Variants in GRM8 observed in about 807,000 individuals in gnomAD.
The protein encoded by GRM8 is glutamate metabotropic receptor 8, also known as metabotropic glutamate receptor 8.
GRM8 carries 47 observed loss-of-function variants against 87.2 expected under a neutral mutation model. That is an observed-to-expected ratio of 0.54 (90% confidence interval 0.43 to 0.69). The LOEUF is 0.69. GRM8 is among the 30% of genes least tolerant of loss of function. The probability of loss-of-function intolerance (pLI) is 0.00; values close to 1 mark genes in which losing one functional copy is unlikely to be tolerated. For synonymous variants in GRM8, 396 were observed against 404.5 expected (o/e 0.98, Z 0.25); for missense variants, 1,019 against 1,139.2 (o/e 0.89, Z 1.52).
intron 6 of GRM8, among the ~76,000 whole-genome samples, chr7:126,888,710 T>G (rs1800721781): frequency 6.6e-6 from 1 of 152,124 alleles, no homozygotes; most frequent in Non-Finnish European, 1.5e-5. Context: ...ACTGTCTATT[T>G]TCTTTCTGAA....
chr7:126,759,819 T>C (rs1817407289), intron 7 of GRM8, among the ~76,000 whole-genome samples: 1 of 152,218 alleles, frequency 6.6e-6, no homozygotes, highest in Non-Finnish European at 1.5e-5. Context: ...ATCATCACCT[T>C]ACATTTAAAC....
intron 2 of GRM8, among the ~76,000 whole-genome samples, chr7:127,107,940 A>G (rs1825971381): frequency 6.6e-6 from 1 of 152,302 alleles, no homozygotes; most frequent in Admixed American, 6.5e-5. Context: ...GGTGCTGACT[A>G]TTCATTCAGC....
intron 3 of GRM8, among the ~76,000 whole-genome samples, chr7:126,971,222 T>C (rs1810396233): frequency 6.8e-6 from 1 of 146,456 alleles, no homozygotes; most frequent in Non-Finnish European, 1.5e-5. Flanking sequence ...GGTGAGCCTG[T>C]ACATATAAAC....
At chr7:126,872,089 C>T (rs1158748775) in intron 6 of GRM8, among the ~76,000 whole-genome samples, 1 of 152,100 alleles carries the variant, frequency 6.6e-6, no homozygotes, top group Non-Finnish European at 1.5e-5. Context: ...GGGTGTTTGG[C>T]TTGTGTCTTG....
chr7:126,827,065 A>G (rs1007706565), intron 6 of GRM8, among the ~76,000 whole-genome samples: 1 of 152,088 alleles, frequency 6.6e-6, no homozygotes, highest in African/African-American at 2.4e-5. Context: ...GTTCTGTTCC[A>G]TTGATCTATA....
chr7:126,865,848 G>T (rs2130855100), intron 6 of GRM8, among the ~76,000 whole-genome samples: 1 of 152,174 alleles, frequency 6.6e-6, no homozygotes. Flanking sequence ...TATTCGACTT[G>T]TTTCCACTTT....
At chr7:126,929,965 A>G (rs1284436520) in intron 3 of GRM8, among the ~76,000 whole-genome samples, 1 of 152,192 alleles carries the variant, frequency 6.6e-6, no homozygotes, top group Non-Finnish European at 1.5e-5. Flanking sequence ...TGGTCTTTGC[A>G]ATTTATACTA....
At chr7:126,870,936 A>G (rs1799041758) in intron 6 of GRM8, among the ~76,000 whole-genome samples, 1 of 152,218 alleles carries the variant, frequency 6.6e-6, no homozygotes, top group Admixed American at 6.5e-5. Context: ...CATATGAAAG[A>G]GCTGCACTCA....
intron 8 of GRM8, among the ~76,000 whole-genome samples, chr7:126,602,237 A>C (rs1483316971): frequency 6.9e-6 from 1 of 144,512 alleles, no homozygotes; most frequent in African/African-American, 2.5e-5. Flanking sequence ...AAGATCAGAT[A>C]GTTGTAGGTA....
chr7:126,446,371 ATCTGAGGG>A lies in GRM8; in HGVS notation c.2431-7_2431del. The A allele has an allele frequency of 6.3e-7, 1 of 1,582,772 alleles. No homozygotes were observed. Among genetic ancestry groups the A allele is most frequent in the Admixed American group, 1.8e-5 (1 of 56,496 alleles). ...AGTAAGTGTTGTTGTCTGGATGTAC[ATCTGAGGG>A]AAGAAAAAAAAAAGAATCACTGTTG... On this transcript the variant is annotated splice_acceptor_variant and splice_polypyrimidine_tract_variant and coding_sequence_variant and intron_variant, in exon 10 of 11. Coordinates refer to ENST00000339582, the MANE Select transcript of GRM8 (RefSeq NM_000845.3). LOFTEE classifies it high-confidence loss of function.
At chr7:127,041,011 T>C (rs931046474) in intron 3 of GRM8, among the ~76,000 whole-genome samples, 2 of 152,230 alleles carry the variant, frequency 1.3e-5, no homozygotes, top group Admixed American at 1.3e-4. Flanking sequence ...CAATTCATGT[T>C]TGAGAAATAA....
intron 9 of GRM8, among the ~76,000 whole-genome samples, chr7:126,503,627 A>G (rs1809969908): frequency 6.6e-6 from 1 of 152,106 alleles, no homozygotes; most frequent in Non-Finnish European, 1.5e-5. Context: ...TGTGTACTTC[A>G]GAAATATGCA....
At chr7:126,869,919 T>G (rs1026795037) in intron 6 of GRM8, 2 of 140,492 alleles carry the variant, frequency 1.4e-5, no homozygotes, top group African/African-American at 5.6e-5. Flanking sequence ...AGGTATTGAC[T>G]TTTCCTCATA....
At chr7:126,975,035 G>A (rs144491907) in intron 3 of GRM8, among the ~76,000 whole-genome samples, 1 of 151,074 alleles carries the variant, frequency 6.6e-6, no homozygotes, top group Non-Finnish European at 1.5e-5. Flanking sequence ...AAGCTGAGAG[G>A]GCTCATAGGT....
chr7:126,849,182 A>G (rs1482014585), intron 6 of GRM8, among the ~76,000 whole-genome samples: 3 of 152,174 alleles, frequency 2.0e-5, no homozygotes, highest in Admixed American at 2.0e-4. Context: ...ACCCTGTCTC[A>G]AAAGAAAAAA....
chr7:126,691,200 C>T (rs1463520674), intron 7 of GRM8, among the ~76,000 whole-genome samples: 3 of 152,202 alleles, frequency 2.0e-5, no homozygotes, highest in African/African-American at 7.2e-5. Flanking sequence ...CTGGTCAGTG[C>T]CCAAAGTCCA....
At chr7:127,167,338 T>C (rs553018293) in intron 2 of GRM8, among the ~76,000 whole-genome samples, 2 of 152,316 alleles carry the variant, frequency 1.3e-5, no homozygotes, top group East Asian at 1.9e-4. Flanking sequence ...CTAACAATTG[T>C]TGTGGTTACT....
chr7:127,087,589 G>A (rs1340332737), intron 3 of GRM8, among the ~76,000 whole-genome samples: 2 of 152,144 alleles, frequency 1.3e-5, no homozygotes, highest in African/African-American at 2.4e-5. Context: ...TGGTTGCCAG[G>A]AACTATGGGA....
At chr7:126,701,790 T>C in intron 7 of GRM8, 1 of 1,293,506 alleles carries the variant, frequency 7.7e-7, no homozygotes, top group South Asian at 1.2e-5. Flanking sequence ...TAAAAAGAGT[T>C]GGCCAGGGTA....
Sources: allele counts gnomAD v4.1 joint callset (sites outside exome capture counted in the v4.1 genomes callset), GRCh38; gene constraint gnomAD v4.1.1; transcripts MANE v1.5; gene names NCBI Gene and HGNC (gene_info 2026-07-23, HGNC 2026-07-21).